Variants in TPRG1 observed in about 807,000 individuals in gnomAD.
TPRG1 encodes tumor protein p63-regulated gene 1 protein.
TPRG1 carries 29 observed loss-of-function variants against 29.3 expected under a neutral mutation model. The ratio of observed to expected loss-of-function variants is 0.99; its 90% CI spans 0.74 to 1.35. The LOEUF is 1.35. Ranked by LOEUF, TPRG1 falls within the 40% of genes most tolerant of loss-of-function variation. The probability of loss-of-function intolerance (pLI) is 0.00; values close to 1 mark genes in which losing one functional copy is unlikely to be tolerated. For synonymous variants in TPRG1, 130 were observed against 116.8 expected (o/e 1.11, Z -0.73); for missense variants, 327 against 335.0 (o/e 0.98, Z 0.19).
chr3:189,021,328 G>A lies in TPRG1; in HGVS notation c.-659-2422G>A, dbSNP rs372262271. On this transcript the variant is annotated intron_variant, in intron 3 of 10. Transcript: ENST00000433971. ...GTTGATGCAGTTTCTTCCTAGTCTC[G>A]ATGGTCTTTACATTTTGGCATGATT... 9.9e-5 allele frequency among the ~76,000 whole-genome samples: 15 copies of A among 151,752 alleles called. No individual in the cohort carries two copies. The South Asian group carries it at 2.5e-3, about 26-fold the overall frequency.
At chr3:189,312,081 G>GTTTGTTTCTTTCTTTCTTTCTTTCTTTC (rs1483160195) in intron 5 of TPRG1, among the ~76,000 whole-genome samples, 2 of 119,964 alleles carry the variant, frequency 1.7e-5, no homozygotes, top group African/African-American at 3.9e-5. Flanking sequence ...AACACTTTAT[G>GTTTGTTTCTTTCTTTCTTTCTTTCTTTC]TTTCTTTCTT....
At chr3:189,053,903 A>C (rs1197045062) in intron 4 of TPRG1, among the ~76,000 whole-genome samples, 2 of 152,220 alleles carry the variant, frequency 1.3e-5, no homozygotes, top group Admixed American at 1.3e-4. Context: ...TTTACAGATC[A>C]CTAAAACTTT....
intron 4 of TPRG1, among the ~76,000 whole-genome samples, chr3:189,074,205 T>C (rs1228284972): frequency 1.4e-5 from 2 of 140,496 alleles, no homozygotes; most frequent in African/African-American, 5.4e-5. Context: ...TTTCCTTTTT[T>C]TTTTTTTTTT....
At chr3:189,091,720 C>T (rs907672944) in intron 4 of TPRG1, among the ~76,000 whole-genome samples, 1 of 152,106 alleles carries the variant, frequency 6.6e-6, no homozygotes, top group African/African-American at 2.4e-5. Flanking sequence ...TTCAGATGAC[C>T]TAAGATCCTA....
At chr3:189,091,786 C>T (rs1162185410) in intron 4 of TPRG1, among the ~76,000 whole-genome samples, 1 of 152,086 alleles carries the variant, frequency 6.6e-6, no homozygotes, top group African/African-American at 2.4e-5. Context: ...TTTTCTACTT[C>T]ATTTACTCAT....
chr3:189,218,716 C>G (rs1736477454), intron 3 of TPRG1, among the ~76,000 whole-genome samples: 1 of 152,116 alleles, frequency 6.6e-6, no homozygotes, highest in Non-Finnish European at 1.5e-5. Flanking sequence ...ATGAAGTGCC[C>G]AAATGAAGAA....
At chr3:189,175,709 G>A (rs1373110539) in intron 1 of TPRG1, among the ~76,000 whole-genome samples, 2 of 152,160 alleles carry the variant, frequency 1.3e-5, no homozygotes, top group African/African-American at 2.4e-5. Flanking sequence ...AAGGCAAGGT[G>A]GTGCTATACA....
chr3:189,014,106 C>T (rs1712795439), intron 3 of TPRG1, among the ~76,000 whole-genome samples: 1 of 152,118 alleles, frequency 6.6e-6, no homozygotes, highest in Admixed American at 6.6e-5. Flanking sequence ...TGTCACTAGT[C>T]TGTGTACTTC....
intron 1 of TPRG1, 118 bp from the exon 2 acceptor site, chr3:189,207,258 G>A: frequency 6.9e-7 from 1 of 1,442,984 alleles, no homozygotes; most frequent in East Asian, 2.5e-5. Flanking sequence ...TAGTTAACAT[G>A]AAGGATGTTT....
rs940641115 is a variant in TPRG1 at position 189,134,418 on chromosome 3, T to A, written c.-291+1721T>A. ...TGGGGGTATCCTTTTTTTTTTTTTT[T>A]TTTTTTTTTTTTGAGACAGAGCCTC... is the stretch of plus-strand genomic sequence containing the variant. On this transcript the variant is annotated intron_variant, in intron 3 of 6. Coordinates refer to the TPRG1 transcript ENST00000412373. Among the ~76,000 whole-genome samples, 69 of 146,438 alleles carry A rather than the reference T, an allele frequency of 4.7e-4. 1 individual carries two copies. The East Asian group carries it at 8.9e-3, about 19-fold the overall frequency.
At chr3:189,043,408 T>C (rs1714756030) in intron 4 of TPRG1, among the ~76,000 whole-genome samples, 1 of 152,226 alleles carries the variant, frequency 6.6e-6, no homozygotes, top group African/African-American at 2.4e-5. Flanking sequence ...AAGATGTTTC[T>C]TTCTTAGCCC....
At chr3:189,313,415 C>T (rs1486168904) in intron 5 of TPRG1, among the ~76,000 whole-genome samples, 1 of 152,038 alleles carries the variant, frequency 6.6e-6, no homozygotes, top group Admixed American at 6.5e-5. Context: ...TTTTCCATCT[C>T]TCTGATGAAT....
At chr3:189,088,665 A>T (rs1210006246) in intron 4 of TPRG1, among the ~76,000 whole-genome samples, 1 of 152,114 alleles carries the variant, frequency 6.6e-6, no homozygotes, top group Non-Finnish European at 1.5e-5. Flanking sequence ...ATATATTTTC[A>T]CCCCATTTCC....
intron 4 of TPRG1, among the ~76,000 whole-genome samples, chr3:189,065,959 G>C (rs967534536): frequency 6.6e-6 from 1 of 152,082 alleles, no homozygotes; most frequent in African/African-American, 2.4e-5. Context: ...CATCAACTTT[G>C]CAGGATATAA....
chr3:189,013,954 C>T (rs1196984950), intron 3 of TPRG1, among the ~76,000 whole-genome samples: 1 of 152,092 alleles, frequency 6.6e-6, no homozygotes, highest in Non-Finnish European at 1.5e-5. Flanking sequence ...GGTTCTTTAT[C>T]CAGCTTGCCA....
chr3:189,192,908 T>C (rs1365635161), intron 1 of TPRG1, among the ~76,000 whole-genome samples: 2 of 152,230 alleles, frequency 1.3e-5, no homozygotes, highest in East Asian at 1.9e-4. Flanking sequence ...GTCTGGGAAA[T>C]ACTTTATTTT....
At chr3:189,246,911 T>C (rs2108983741) in intron 4 of TPRG1, among the ~76,000 whole-genome samples, 1 of 152,290 alleles carries the variant, frequency 6.6e-6, no homozygotes, top group Non-Finnish European at 1.5e-5. Flanking sequence ...ATTTTATCTT[T>C]ATCTTTAGTT....
intron 4 of TPRG1, among the ~76,000 whole-genome samples, chr3:189,273,108 T>G (rs1715508800): frequency 6.6e-6 from 1 of 152,148 alleles, no homozygotes; most frequent in Non-Finnish European, 1.5e-5. Context: ...GAAAATCAGC[T>G]CCTCTAATCA....
chr3:189,277,379 A>T (rs1401040532), intron 4 of TPRG1, among the ~76,000 whole-genome samples: 1 of 152,240 alleles, frequency 6.6e-6, no homozygotes, highest in African/African-American at 2.4e-5. Context: ...AAAACAGTAA[A>T]TTCAAAATAA....
Sources: gnomAD v4.1 joint callset for allele counts (sites outside exome capture counted in the v4.1 genomes callset) on GRCh38, gnomAD v4.1.1 for gene constraint, MANE v1.5 for transcripts, NCBI Gene and HGNC (gene_info 2026-07-23, HGNC 2026-07-21) for gene names.